Variants in MRPS16 observed in about 807,000 individuals in gnomAD.
MRPS16 encodes small ribosomal subunit protein bS16m.
MRPS16 carries 5 observed loss-of-function variants against 11.0 expected under a neutral mutation model. That is an observed-to-expected ratio of 0.46 (90% CI 0.24 to 0.96). The LOEUF (loss-of-function observed/expected upper bound fraction) is 0.96, where lower values mean the gene tolerates loss of function less well. Among genes scored for constraint, MRPS16 ranks in the 40% least tolerant of loss-of-function variants. The pLI, the probability that MRPS16 is intolerant of heterozygous loss-of-function variation, is 0.20. For missense variants in MRPS16, 179 were observed against 174.4 expected (o/e 1.03, Z -0.15); for synonymous variants, 76 against 65.0 (o/e 1.17, Z -0.81).
rs537369433 is a variant in MRPS16 at position 73,250,922 on chromosome 10, G to A, written c.344C>T (p.Ala115Val). 3.0e-5 allele frequency: 48 copies of A among 1,614,160 alleles called. No homozygotes were observed. The highest frequency in any genetic ancestry group is 3.8e-5 in the Non-Finnish European group (45 of 1,180,006). The change falls in exon 3 of 3, where the codon GCA becomes GTA. Residue 115 changes from alanine to valine, a missense_variant. Coordinates refer to ENST00000372945, the MANE Select transcript of MRPS16 (RefSeq NM_016065.4). The stretch of plus-strand genomic sequence containing the variant: ...CTGAGAAGCTAACAGGACTTCACGT[G>A]CCCGTTTCCTTCGCAGTCTCTCAGC... ...TNAERLRRKR[A>V]REVLLASQKT...
Position 73,250,999 on chromosome 10 carries a change from T to C in MRPS16, c.275-8A>G. On this transcript the variant is annotated splice_polypyrimidine_tract_variant and splice_region_variant and intron_variant, in intron 2 of 2. Coordinates refer to ENST00000372945, the MANE Select transcript of MRPS16 (RefSeq NM_016065.4). ...GGAAAAAGCCAGCAAGACCTAAAAG[T>C]AACAGATTTTTCACTTATTATAACA... is the stretch of plus-strand genomic sequence containing the variant. 6.2e-7 allele frequency: 1 copy of C among 1,613,942 alleles called. No individual in the cohort carries two copies. The highest frequency in any genetic ancestry group is 8.5e-7 in the Non-Finnish European group (1 of 1,179,920).
chr10:73,249,007 C>T lies in MRPS16; in HGVS notation c.*1845G>A. On this transcript the variant is annotated 3_prime_UTR_variant, in exon 3 of 3. Transcript: ENST00000372945. ...AATCACAGTTCACTGCAGCATCGGC[C>T]TCCTGGGCTCAAGTGATCTTACTGC... 1 of 587,118 alleles carries T rather than the reference C, an allele frequency of 1.7e-6. No homozygotes were observed. Among genetic ancestry groups the T allele is most frequent in the South Asian group, 1.6e-5 (1 of 64,072 alleles). The allele number at this position is 587,118 out of a possible 1,614,324, so 36.4% of individuals were successfully genotyped here.
Position 73,251,896 on chromosome 10 carries a change from G to A in MRPS16, c.141C>T (p.Phe47=). Residue 47 remains phenylalanine (F), a synonymous_variant, in exon 2 of 3, where the codon TTC becomes TTT. Transcript: ENST00000372945. ...AHNKCPRDGR[F]VEQLGSYDPL... ...GATCATAGGAGCCCAGCTGCTCTAC[G>A]AAACGGCCATCCCTGGGACACTTGT... 3.1e-6 allele frequency: 5 copies of A among 1,614,170 alleles called. No individual in the cohort carries two copies. The highest frequency in any genetic ancestry group is 4.2e-6 in the Non-Finnish European group (5 of 1,180,032).
rs567197056 is a variant in MRPS16 at position 73,250,874 on chromosome 10, T to G, written c.392A>C (p.Asp131Ala). The G allele has an allele frequency of 6.2e-7, 1 of 1,614,162 alleles. No homozygotes were observed. Among genetic ancestry groups the G allele is most frequent in the African/African-American group, 1.3e-5 (1 of 75,068 alleles). ...ASQKTDAEATDTEATET is the reference protein window; with the variant it reads ...ASQKTDAEATATEATET Reference sequence around the variant, plus strand: ...CATTTATGTTTCTGTAGCCTCTGTATCTGTAGCTTCTGCATCTGTTTTCTG... The same window carrying G: ...CATTTATGTTTCTGTAGCCTCTGTAGCTGTAGCTTCTGCATCTGTTTTCTG... Residue 131 changes from aspartate (D) to alanine (A), a missense_variant, in exon 3 of 3, where the codon GAT becomes GCT. By Grantham distance (126) the Asp-to-Ala change is moderately radical. Coordinates refer to ENST00000372945, the MANE Select transcript of MRPS16 (RefSeq NM_016065.4).
intron 1 of MRPS16, 56 bp from the exon 2 acceptor site, chr10:73,252,079 C>T: frequency 1.3e-6 from 2 of 1,574,268 alleles, no homozygotes; most frequent in Non-Finnish European, 1.7e-6. Flanking sequence ...GACAAAATGA[C>T]ACAGACGGCA....
chr10:73,251,632 C>T, intron 2 of MRPS16, 131 bp downstream of exon 2: 3 of 1,305,176 alleles, frequency 2.3e-6, no homozygotes, highest in South Asian at 1.2e-5. Context: ...CCGCCCGCCT[C>T]GGCCTCCCAA....
At position 73,249,077 on chromosome 10, in the gene MRPS16, G is replaced by A. The variant is rs2044050976; in HGVS notation, c.*1775C>T. 1.7e-6 allele frequency: 1 copy of A among 598,084 alleles called. No individual in the cohort carries two copies. The allele number at this position is 598,084 out of a possible 1,614,324, so 37.0% of individuals were successfully genotyped here. A position where few individuals can be genotyped will look rare whatever the true frequency, so the allele number is the denominator to read the frequency against. On this transcript the variant is annotated 3_prime_UTR_variant, in exon 3 of 3. Coordinates refer to ENST00000372945, the MANE Select transcript of MRPS16 (RefSeq NM_016065.4). ...GGAACTATGGGTGAGCAACACCACA[G>A]CCAGCTAATTTTTTAAGTTTTTGTA... is the stretch of plus-strand genomic sequence containing the variant.
rs762611647 is a variant in MRPS16 at position 73,251,881 on chromosome 10, G to A, written c.156C>T (p.Gly52=). ...GACTGTTGGGCAATGGATCATAGGA[G>A]CCCAGCTGCTCTACGAAACGGCCAT... ...PRDGRFVEQL[G]SYDPLPNSHG... is the part of the protein sequence containing the mutation. The change falls in exon 2 of 3, where the codon GGC becomes GGT. Residue 52 remains glycine (G), a synonymous_variant. Transcript: ENST00000372945. The A allele has an allele frequency of 1.9e-6, 3 of 1,614,198 alleles. No homozygotes were observed. Among genetic ancestry groups the A allele is most frequent in the South Asian group, 2.2e-5 (2 of 91,092 alleles).
Position 73,252,317 on chromosome 10 carries a change from G to A in MRPS16, c.13+153C>T, listed in dbSNP as rs376024157. 10 of 1,254,370 alleles carry A rather than the reference G, an allele frequency of 8.0e-6. No individual in the cohort carries two copies. In the African/African-American group the frequency reaches 1.2e-4, roughly 15 times the overall value. 77.7% of individuals were successfully genotyped at this position (1,254,370 alleles called of 1,614,324 possible). Reference sequence around the variant, plus strand: ...AAATTTTTCAGCGGTGATTAAGTGGGGAAAAAACTGAGAGAAGGATCAAAT... The same window carrying A: ...AAATTTTTCAGCGGTGATTAAGTGGAGAAAAAACTGAGAGAAGGATCAAAT... On this transcript the variant is annotated intron_variant, in intron 1 of 2. Coordinates refer to ENST00000372945, the MANE Select transcript of MRPS16 (RefSeq NM_016065.4).
rs1003337865 is a variant in MRPS16 at position 73,251,938 on chromosome 10, G to T, written c.99C>A (p.Arg33=). The stretch of plus-strand genomic sequence containing the variant: ...GACACTTGTTGTGAGCAGCCACAAT[G>T]CGGTAGAACGGCCGATTGGTGCAGC... ...LGGCTNRPFY[R]IVAAHNKCPR... The change falls in exon 2 of 3, where the codon CGC becomes CGA. Residue 33 remains arginine, a synonymous_variant. Coordinates refer to ENST00000372945, the MANE Select transcript of MRPS16 (RefSeq NM_016065.4). 2.5e-6 allele frequency: 4 copies of T among 1,614,086 alleles called. No homozygotes were observed. In the African/African-American group the frequency reaches 5.3e-5, roughly 22 times the overall value.
rs7097418 is a variant in MRPS16 at position 73,251,238 on chromosome 10, T to C, written c.275-247A>G. Among the ~76,000 whole-genome samples, 23,345 of 152,142 alleles carry C rather than the reference T, an allele frequency of 0.15. 2,933 individuals carry two copies. The highest frequency in any genetic ancestry group is 0.32 in the African/African-American group (13,316 of 41,452). On this transcript the variant is annotated intron_variant, in intron 2 of 2. Transcript: ENST00000372945. ...ATGGCCATTCAAAACATACTATTCC[T>C]ATTTTTAGCATAAAATACCAGTCAC...
chr10:73,252,551 G>A lies in MRPS16; in HGVS notation c.-69C>T. ...ACGCACCAGCTCTACGGCCTTGGCAGGGCAGAGAACAAACACAGAAAGAAC... is the reference window on the plus strand; with the variant it reads ...ACGCACCAGCTCTACGGCCTTGGCAAGGCAGAGAACAAACACAGAAAGAAC... On this transcript the variant is annotated 5_prime_UTR_variant, in exon 1 of 3. Coordinates refer to ENST00000372945, the MANE Select transcript of MRPS16 (RefSeq NM_016065.4). The A allele has an allele frequency of 1.9e-6, 3 of 1,589,760 alleles. No individual in the cohort carries two copies. Among genetic ancestry groups the A allele is most frequent in the Non-Finnish European group, 2.6e-6 (3 of 1,173,462 alleles).
In MRPS16 at chr10:73,249,672, A is replaced by G. The variant is rs1327239028; in HGVS notation, c.*1180T>C. On this transcript the variant is annotated 3_prime_UTR_variant, in exon 3 of 3. Transcript: ENST00000372945. ...AATCACAGCCACATTTGAATGGTTC[A>G]ATCTTGATTCATACTGAACTCCCTT... 3 of 234,436 alleles carry G rather than the reference A, an allele frequency of 1.3e-5. No homozygotes were observed. Among genetic ancestry groups the G allele is most frequent in the Admixed American group, 4.7e-5 (1 of 21,178 alleles). The allele number at this position is 234,436 out of a possible 1,614,324, so 14.5% of individuals were successfully genotyped here.
chr10:73,250,735 G>C lies in MRPS16; in HGVS notation c.*117C>G. On this transcript the variant is annotated 3_prime_UTR_variant, in exon 3 of 3. Coordinates refer to ENST00000372945, the MANE Select transcript of MRPS16 (RefSeq NM_016065.4). Reference sequence around the variant, plus strand: ...GTGCAGGCCAGGCCAGAAGAGCAAGGGCAACTCAGGATACTCCATTTATTG... The same window carrying C: ...GTGCAGGCCAGGCCAGAAGAGCAAGCGCAACTCAGGATACTCCATTTATTG... 7.2e-7 allele frequency: 1 copy of C among 1,393,644 alleles called. No homozygotes were observed. Among genetic ancestry groups the C allele is most frequent in the Non-Finnish European group, 1.0e-6 (1 of 994,668 alleles). 86.3% of individuals were successfully genotyped at this position (1,393,644 alleles called of 1,614,324 possible).
chr10:73,252,227 G>T (rs770647109), intron 1 of MRPS16: 1 of 1,003,988 alleles, frequency 1.0e-6, no homozygotes, highest in Non-Finnish European at 1.5e-6. Context: ...AACCCACCCC[G>T]CATGGGCTTG....
chr10:73,250,954 G>A lies in MRPS16; in HGVS notation c.312C>T (p.Ile104=), dbSNP rs769969597. 149 of 1,613,988 alleles carry A rather than the reference G, an allele frequency of 9.2e-5. No individual in the cohort carries two copies. In the Admixed American group the frequency reaches 1.2e-3, roughly 13 times the overall value. The stretch of plus-strand genomic sequence containing the variant: ...TCCTTCGCAGTCTCTCAGCATTTGT[G>A]ATCATCATAGGATGCAGAGGGAAAA... ...AGFFPLHPMM[I]TNAERLRRKR... is the part of the protein sequence containing the mutation. Residue 104 remains isoleucine, a synonymous_variant, in exon 3 of 3, where the codon ATC becomes ATT. Coordinates refer to ENST00000372945, the MANE Select transcript of MRPS16 (RefSeq NM_016065.4).
chr10:73,251,709 G>T, intron 2 of MRPS16, 54 bp downstream of exon 2: 2 of 1,611,750 alleles, frequency 1.2e-6, no homozygotes, highest in South Asian at 2.2e-5. Context: ...TACTGTCCTG[G>T]AGCTGACTTC....
Position 73,252,524 on chromosome 10 carries a change from G to A in MRPS16, c.-42C>T, listed in dbSNP as rs1303806317. 4 of 1,602,640 alleles carry A rather than the reference G, an allele frequency of 2.5e-6. No individual in the cohort carries two copies. Among genetic ancestry groups the A allele is most frequent in the South Asian group, 1.1e-5 (1 of 90,616 alleles). On this transcript the variant is annotated 5_prime_UTR_variant, in exon 1 of 3. Coordinates refer to ENST00000372945, the MANE Select transcript of MRPS16 (RefSeq NM_016065.4). ...GGCTCCTCGGAGAGCCCCGCTACCC[G>A]CACGCACCAGCTCTACGGCCTTGGC... is the stretch of plus-strand genomic sequence containing the variant.
Position 73,248,934 on chromosome 10 carries a change from T to C in MRPS16, c.*1918A>G, listed in dbSNP as rs2044048749. On this transcript the variant is annotated 3_prime_UTR_variant, in exon 3 of 3. Transcript: ENST00000372945. ...ATTATGCTCTAGCCAAATTATGTAATGTTTTCTTTTTCTTTTCTCTGTCAC... is the reference window on the plus strand; with the variant it reads ...ATTATGCTCTAGCCAAATTATGTAACGTTTTCTTTTTCTTTTCTCTGTCAC... The C allele has an allele frequency of 2.0e-6, 1 of 490,042 alleles. No homozygotes were observed. Among genetic ancestry groups the C allele is most frequent in the African/African-American group, 2.0e-5 (1 of 50,830 alleles). 30.4% of individuals were successfully genotyped at this position (490,042 alleles called of 1,614,324 possible). A position where few individuals can be genotyped will look rare whatever the true frequency, so the allele number is the denominator to read the frequency against.
Sources: gnomAD v4.1 joint callset for allele counts (sites outside exome capture counted in the v4.1 genomes callset) on GRCh38, gnomAD v4.1.1 for gene constraint, MANE v1.5 for transcripts, NCBI Gene and HGNC (gene_info 2026-07-23, HGNC 2026-07-21) for gene names.